The following STPG2 variants were observed in gnomAD, a reference collection of about 807,000 sequenced individuals.
STPG2 encodes sperm tail PG-rich repeat containing 2, also known as sperm-tail PG-rich repeat-containing protein 2.
Under a neutral mutation model 54.2 loss-of-function variants are expected in STPG2, and 56 were observed. The ratio of observed to expected loss-of-function variants is 1.03; its 90% confidence interval spans 0.83 to 1.29. The LOEUF (loss-of-function observed/expected upper bound fraction) is 1.29, where lower values mean the gene tolerates loss of function less well. STPG2 is among the 50% of genes most tolerant of loss of function. The probability of loss-of-function intolerance (pLI) is 0.00; values close to 1 mark genes in which losing one functional copy is unlikely to be tolerated. For missense variants in STPG2, 596 were observed against 544.9 expected (o/e 1.09, Z -0.93); for synonymous variants, 200 against 181.8 (o/e 1.10, Z -0.81).
chr4:97,800,050 T>C (rs1727332626), intron 9 of STPG2, among the ~76,000 whole-genome samples: 1 of 152,226 alleles, frequency 6.6e-6, no homozygotes, highest in African/African-American at 2.4e-5. Flanking sequence ...TTTAAGGACT[T>C]CTCTACACTG....
intron 9 of STPG2, among the ~76,000 whole-genome samples, chr4:97,734,335 G>A (rs78848102): frequency 0.011 from 1,629 of 152,180 alleles, 32 homozygotes; most frequent in African/African-American, 0.037. Context: ...CTTGTGTTAT[G>A]AGTGCTTGTT....
intron 10 of STPG2, among the ~76,000 whole-genome samples, chr4:97,661,264 G>A (rs1376489491): frequency 6.6e-6 from 1 of 152,132 alleles, no homozygotes; most frequent in Non-Finnish European, 1.5e-5. Flanking sequence ...AATGGGCTTT[G>A]AACTAGAGAT....
intron 6 of STPG2, among the ~76,000 whole-genome samples, chr4:97,975,757 G>T (rs1734478185): frequency 6.6e-6 from 1 of 151,980 alleles, no homozygotes; most frequent in Non-Finnish European, 1.5e-5. Context: ...TGTTTTTCTG[G>T]GCTTCAAGTT....
chr4:97,957,500 G>A (rs1305426657), intron 7 of STPG2, among the ~76,000 whole-genome samples: 1 of 152,062 alleles, frequency 6.6e-6, no homozygotes, highest in Non-Finnish European at 1.5e-5. Flanking sequence ...CATACTTGGG[G>A]AAGTAAGTGA....
intron 5 of STPG2, among the ~76,000 whole-genome samples, chr4:98,104,192 G>T (rs1330481810): frequency 4.6e-5 from 7 of 152,044 alleles, no homozygotes; most frequent in African/African-American, 1.7e-4. Context: ...AAAATTTAAT[G>T]GTTCCATGTC....
At chr4:97,695,956 C>A (rs1478537485) in intron 10 of STPG2, among the ~76,000 whole-genome samples, 1 of 151,952 alleles carries the variant, frequency 6.6e-6, no homozygotes, top group Non-Finnish European at 1.5e-5. Flanking sequence ...AATGCAGTTC[C>A]CATCAAACTG....
At chr4:97,709,803 C>T in intron 10 of STPG2, among the ~76,000 whole-genome samples, 1 of 151,668 alleles carries the variant, frequency 6.6e-6, no homozygotes, top group East Asian at 1.9e-4. Flanking sequence ...GTGAATGAAT[C>T]AATAAAATTT....
chr4:97,563,600 A>G (rs910528708), intron 10 of STPG2, among the ~76,000 whole-genome samples: 4 of 152,126 alleles, frequency 2.6e-5, no homozygotes, highest in Admixed American at 6.5e-5. Context: ...CCCTCTACAC[A>G]CTATTTTGAA....
chr4:97,762,225 C>T (rs969868312), intron 9 of STPG2, among the ~76,000 whole-genome samples: 2 of 152,146 alleles, frequency 1.3e-5, no homozygotes, highest in African/African-American at 4.8e-5. Context: ...TTTAACCTCA[C>T]AGAAGCAAAA....
At chr4:98,055,691 G>C (rs954571525) in intron 5 of STPG2, among the ~76,000 whole-genome samples, 4 of 152,144 alleles carry the variant, frequency 2.6e-5, no homozygotes, top group African/African-American at 9.7e-5. Context: ...CACAGCCAGG[G>C]ACAGCCATCC....
chr4:97,898,917 G>C (rs576597437), intron 8 of STPG2, among the ~76,000 whole-genome samples: 1 of 151,626 alleles, frequency 6.6e-6, no homozygotes, highest in South Asian at 2.1e-4. Context: ...CTTTGAAAAG[G>C]ATAACTTTAA....
chr4:97,919,640 T>C (rs1352498748), intron 8 of STPG2, among the ~76,000 whole-genome samples: 2 of 152,102 alleles, frequency 1.3e-5, no homozygotes, highest in Non-Finnish European at 2.9e-5. Flanking sequence ...TAGTTCAATA[T>C]TTATTAAAGG....
chr4:97,927,860 A>G (rs1178563427), intron 8 of STPG2, among the ~76,000 whole-genome samples: 1 of 152,136 alleles, frequency 6.6e-6, no homozygotes, highest in East Asian at 1.9e-4. Flanking sequence ...AATAAGTACT[A>G]TATAAGCATT....
chr4:98,032,512 C>T (rs537224585), intron 5 of STPG2, among the ~76,000 whole-genome samples: 2 of 152,302 alleles, frequency 1.3e-5, no homozygotes, highest in South Asian at 4.1e-4. Context: ...TAACACCCGA[C>T]TGTCAACATT....
chr4:97,492,888 ATCT>A (rs1004180111), intron 4 of STPG2, among the ~76,000 whole-genome samples: 2 of 149,780 alleles, frequency 1.3e-5, no homozygotes, highest in African/African-American at 4.9e-5. Context: ...CCCATTCCTA[ATCT>A]TCTCCTGAAA....
intron 8 of STPG2, among the ~76,000 whole-genome samples, chr4:97,867,162 A>C (rs1056116961): frequency 2.0e-5 from 3 of 151,986 alleles, no homozygotes; most frequent in African/African-American, 7.2e-5. Flanking sequence ...CTTTCTGTTT[A>C]AGCCTTTTAG....
At chr4:98,053,078 T>C (rs1737375534) in intron 5 of STPG2, among the ~76,000 whole-genome samples, 1 of 152,202 alleles carries the variant, frequency 6.6e-6, no homozygotes, top group African/African-American at 2.4e-5. Context: ...GGCTGGCTAG[T>C]TGGTTAGTTT....
chr4:97,914,942 C>A (rs1185350556), intron 8 of STPG2, among the ~76,000 whole-genome samples: 1 of 152,164 alleles, frequency 6.6e-6, no homozygotes, highest in Non-Finnish European at 1.5e-5. Flanking sequence ...TGGCTTATTT[C>A]ACATATAATG....
chr4:97,919,743 T>C (rs550492327), intron 8 of STPG2, among the ~76,000 whole-genome samples: 78 of 152,230 alleles, frequency 5.1e-4, no homozygotes, highest in African/African-American at 1.8e-3. Flanking sequence ...TAAGAAAGAA[T>C]AACTCAATCT....
Sources: gnomAD v4.1 joint callset for allele counts (sites outside exome capture counted in the v4.1 genomes callset) on GRCh38, gnomAD v4.1.1 for gene constraint, MANE v1.5 for transcripts, NCBI Gene and HGNC (gene_info 2026-07-23, HGNC 2026-07-21) for gene names.